LAMA2: variants seen among roughly 807,000 people sequenced by gnomAD.
The protein encoded by LAMA2 is laminin subunit alpha 2, also known as laminin subunit alpha-2.
A neutral mutation model predicts 364.8 loss-of-function variants in LAMA2; 269 were observed. The ratio of observed to expected loss-of-function variants is 0.74; its 90% CI spans 0.67 to 0.82. The LOEUF (loss-of-function observed/expected upper bound fraction) is 0.82. LAMA2 is among the 40% of genes least tolerant of loss of function. The pLI is 0.00. For missense variants in LAMA2, 3,807 were observed against 3,873.2 expected (o/e 0.98, Z 0.45); for synonymous variants, 1,379 against 1,370.6 (o/e 1.01, Z -0.14).
chr6:128,913,269 C>T (rs1345041276), intron 1 of LAMA2, among the ~76,000 whole-genome samples: 1 of 152,060 alleles, frequency 6.6e-6, no homozygotes, highest in Admixed American at 6.6e-5. Context: ...CTTTCAACTT[C>T]CATATTTTTA....
intron 1 of LAMA2, among the ~76,000 whole-genome samples, chr6:128,945,693 C>T (rs573401703): frequency 6.6e-6 from 1 of 152,228 alleles, no homozygotes; most frequent in Non-Finnish European, 1.5e-5. Flanking sequence ...TACACATTTC[C>T]TATCACATTT....
At chr6:128,906,707 AC>A (rs1777497545) in intron 1 of LAMA2, among the ~76,000 whole-genome samples, 1 of 151,774 alleles carries the variant, frequency 6.6e-6, no homozygotes, top group South Asian at 2.1e-4. Flanking sequence ...TGAAGTCCTT[AC>A]CCATGCCTAT....
chr6:129,374,448 GGTAGAGTCAGAC>G (rs1396081349), intron 34 of LAMA2, among the ~76,000 whole-genome samples: 3 of 152,082 alleles, frequency 2.0e-5, no homozygotes, highest in Admixed American at 2.0e-4. Context: ...GTTGGTCTGG[GGTAGAGTCAGAC>G]CACTGGGATA....
At chr6:129,406,642 A>G (rs752400934) in intron 40 of LAMA2, among the ~76,000 whole-genome samples, 9 of 152,328 alleles carry the variant, frequency 5.9e-5, no homozygotes, top group South Asian at 2.1e-4. Context: ...ATAACAGAGA[A>G]TTAGATGTTT....
chr6:129,377,684 A>G (rs1158001449), intron 34 of LAMA2, among the ~76,000 whole-genome samples: 1 of 152,204 alleles, frequency 6.6e-6, no homozygotes, highest in African/African-American at 2.4e-5. Flanking sequence ...TGAGTCCACA[A>G]ATGCAAAGGT....
Position 129,169,928 on chromosome 6 carries a change from A to G in LAMA2, c.1306+4253A>G, listed in dbSNP as rs1051634254. ...GTCGAGGAATTTATCCATTTCTTCT[A>G]GATTTTCTAGTTTATTTGCATAGAG... On this transcript the variant is annotated intron_variant, in intron 9 of 64. Transcript: ENST00000421865. Among the ~76,000 whole-genome samples the G allele has an allele frequency of 1.1e-4, 17 of 150,224 alleles. No individual in the cohort carries two copies. The South Asian group carries it at 1.9e-3, about 17-fold the overall frequency.
intron 1 of LAMA2, chr6:128,929,955 A>C: frequency 1.4e-6 from 1 of 703,846 alleles, no homozygotes; most frequent in Non-Finnish European, 2.5e-6. Flanking sequence ...TGGACCCACC[A>C]CTCCCTCATC....
intron 41 of LAMA2, among the ~76,000 whole-genome samples, chr6:129,434,737 C>T (rs1166924178): frequency 6.6e-6 from 1 of 152,042 alleles, no homozygotes; most frequent in East Asian, 1.9e-4. Context: ...CCCAGGAGTG[C>T]TTATTTTTCT....
At chr6:129,151,882 GA>G (rs1778823316) in intron 7 of LAMA2, among the ~76,000 whole-genome samples, 1 of 151,536 alleles carries the variant, frequency 6.6e-6, no homozygotes, top group African/African-American at 2.4e-5. Context: ...TCTTTCTGAA[GA>G]AAAAAAAGGA....
At chr6:129,128,999 A>C (rs1439210455) in intron 4 of LAMA2, among the ~76,000 whole-genome samples, 1 of 152,124 alleles carries the variant, frequency 6.6e-6, no homozygotes. Flanking sequence ...CCTGTGGTTG[A>C]CTCTTAAGGA....
intron 17 of LAMA2, 108 bp downstream of exon 17, chr6:129,270,859 A>G: frequency 8.5e-7 from 1 of 1,174,248 alleles, no homozygotes. Flanking sequence ...AATAATAAAC[A>G]CAGACATGAA....
chr6:129,415,313 C>T (rs960876026), intron 40 of LAMA2, among the ~76,000 whole-genome samples: 1 of 151,942 alleles, frequency 6.6e-6, no homozygotes, highest in African/African-American at 2.4e-5. Context: ...TTCAGTGGGC[C>T]ATTTGATGCT....
Position 129,403,874 on chromosome 6 carries a change from C to T in LAMA2, c.5780C>T (p.Ala1927Val). 1.2e-6 allele frequency: 2 copies of T among 1,613,726 alleles called. No homozygotes were observed. The highest frequency in any genetic ancestry group is 1.7e-6 in the Non-Finnish European group (2 of 1,179,726). Reference protein sequence around the residue: ...ISFNATAAFKAYSNIKDYIDE... With the variant: ...ISFNATAAFKVYSNIKDYIDE... ...TTCAATGCCACTGCAGCCTTCAAAG[C>T]TTACAGCAATATTAAGGACTATATT... Residue 1927 changes from alanine to valine, a missense_variant, in exon 40 of 65, where the codon GCT (alanine) becomes GTT (valine). Coordinates refer to ENST00000421865, the MANE Select transcript of LAMA2 (RefSeq NM_000426.4).
chr6:129,482,318 A>G (rs927495505), intron 55 of LAMA2, among the ~76,000 whole-genome samples: 7 of 152,186 alleles, frequency 4.6e-5, no homozygotes, highest in Non-Finnish European at 7.4e-5. Flanking sequence ...AAACTTTAGT[A>G]TCTATATCCC....
At chr6:129,471,179 G>A (rs1783792720) in intron 51 of LAMA2, among the ~76,000 whole-genome samples, 1 of 151,814 alleles carries the variant, frequency 6.6e-6, no homozygotes, top group African/African-American at 2.4e-5. Flanking sequence ...TGTGTCAATA[G>A]CCTACTTTTC....
At chr6:129,360,269 A>T (rs187761980) in intron 32 of LAMA2, among the ~76,000 whole-genome samples, 23 of 152,044 alleles carry the variant, frequency 1.5e-4, no homozygotes, top group Non-Finnish European at 2.2e-4. Flanking sequence ...GTCTCTACAC[A>T]CTCTTCAGAT....
chr6:129,020,531 G>A (rs903415823), intron 1 of LAMA2, among the ~76,000 whole-genome samples: 4 of 152,196 alleles, frequency 2.6e-5, no homozygotes, highest in African/African-American at 4.8e-5. Flanking sequence ...GTGGCAACAA[G>A]CTGTGGGAGT....
At chr6:129,492,532 C>A (rs1259778468) in intron 58 of LAMA2, 49 bp downstream of exon 58, 6 of 1,522,262 alleles carry the variant, frequency 3.9e-6, no homozygotes, top group African/African-American at 2.7e-5. Flanking sequence ...ACCCAGTATT[C>A]TGAGTCATTT....
intron 12 of LAMA2, among the ~76,000 whole-genome samples, chr6:129,197,678 T>G (rs1000452242): frequency 1.3e-5 from 2 of 152,170 alleles, no homozygotes; most frequent in Admixed American, 6.5e-5. Flanking sequence ...CAAATAAACC[T>G]CTAAATTGAT....
Sources: gnomAD v4.1 joint callset for allele counts (sites outside exome capture counted in the v4.1 genomes callset) on GRCh38, gnomAD v4.1.1 for gene constraint, MANE v1.5 for transcripts, NCBI Gene and HGNC (gene_info 2026-07-23, HGNC 2026-07-21) for gene names.